Variants in SYT1 observed in about 807,000 individuals in gnomAD.
The protein encoded by SYT1 is synaptotagmin-1.
In SYT1, 8 loss-of-function variants were observed where a neutral mutation model predicts 44.8. The ratio of observed to expected loss-of-function variants is 0.18; its 90% CI spans 0.10 to 0.32. SYT1 has a LOEUF of 0.32. Ranked by LOEUF, SYT1 falls within the 10% of genes least tolerant of loss-of-function variation. The pLI is 1.00. For synonymous variants in SYT1, 154 were observed against 188.8 expected, an observed-to-expected ratio of 0.82 and a Z score of 1.51; for missense variants, 286 against 509.3, an observed-to-expected ratio of 0.56 and a Z score of 4.22.
chr12:78,995,213 C>T (rs563665226), intron 2 of SYT1, among the ~76,000 whole-genome samples: 126 of 152,308 alleles, frequency 8.3e-4, no homozygotes, highest in African/African-American at 3.0e-3. Context: ...CAAGAATCCC[C>T]AGGCATAGCC....
intron 8 of SYT1, among the ~76,000 whole-genome samples, chr12:79,341,859 G>A (rs1167357371): frequency 4.6e-5 from 7 of 151,558 alleles, no homozygotes; most frequent in Non-Finnish European, 7.4e-5. Flanking sequence ...TAGTAGAGAC[G>A]GAGTTTCACC....
At chr12:78,868,380 A>G (rs1175071945) in intron 1 of SYT1, among the ~76,000 whole-genome samples, 1 of 151,836 alleles carries the variant, frequency 6.6e-6, no homozygotes, top group African/African-American at 2.4e-5. Context: ...AAAAGTAAAT[A>G]TCTGATGTAG....
chr12:79,422,594 T>C (rs544670595), intron 9 of SYT1, among the ~76,000 whole-genome samples: 6 of 151,742 alleles, frequency 4.0e-5, no homozygotes, highest in African/African-American at 1.5e-4. Context: ...GTGCAGGGAG[T>C]AGAGAGGGAA....
chr12:79,151,255 C>T (rs1870255346), intron 3 of SYT1, among the ~76,000 whole-genome samples: 1 of 152,118 alleles, frequency 6.6e-6, no homozygotes, highest in Non-Finnish European at 1.5e-5. Context: ...TCAGTAAATT[C>T]CTGGGACTTC....
At chr12:79,309,656 T>G (rs1479616971) in intron 8 of SYT1, among the ~76,000 whole-genome samples, 8 of 152,226 alleles carry the variant, frequency 5.3e-5, no homozygotes, top group Non-Finnish European at 1.2e-4. Context: ...AATGTTGAAT[T>G]CTAGGCTCCG....
At chr12:79,217,806 G>C in intron 4 of SYT1, 121 bp downstream of exon 4, 4 of 692,240 alleles carry the variant, frequency 5.8e-6, no homozygotes, top group Non-Finnish European at 8.5e-6. Flanking sequence ...ATTACTATGG[G>C]AATGATAGTA....
At chr12:79,327,542 C>T (rs1247348798) in intron 8 of SYT1, among the ~76,000 whole-genome samples, 1 of 152,204 alleles carries the variant, frequency 6.6e-6, no homozygotes, top group African/African-American at 2.4e-5. Flanking sequence ...TCTGTAGCTT[C>T]TGCATTTAAC....
chr12:79,002,743 G>C (rs1048709233), intron 2 of SYT1, among the ~76,000 whole-genome samples: 3 of 151,988 alleles, frequency 2.0e-5, no homozygotes, highest in African/African-American at 4.8e-5. Flanking sequence ...ACTCCATTGG[G>C]ATCCTTCTAT....
chr12:79,018,290 A>G lies in SYT1; in HGVS notation c.-83-29007A>G, dbSNP rs1235788944. On this transcript the variant is annotated intron_variant, in intron 2 of 10. Coordinates refer to ENST00000261205, the MANE Select transcript of SYT1 (RefSeq NM_005639.3). ...GTTCTCACTCATAGGTGGGAATTGA[A>G]CAATGAGAACACATGGACACAGGAA... is the stretch of plus-strand genomic sequence containing the variant. Among the ~76,000 whole-genome samples the G allele has an allele frequency of 3.4e-5, 5 of 148,950 alleles. No homozygotes were observed. In the East Asian group the frequency reaches 8.3e-4, roughly 25 times the overall value.
intron 9 of SYT1, among the ~76,000 whole-genome samples, chr12:79,359,555 A>G (rs1883238845): frequency 6.6e-6 from 1 of 152,146 alleles, no homozygotes; most frequent in Non-Finnish European, 1.5e-5. Context: ...GGCAGCAATT[A>G]CTTGAGGGAA....
At chr12:79,123,090 T>C (rs908614223) in intron 3 of SYT1, among the ~76,000 whole-genome samples, 3 of 152,226 alleles carry the variant, frequency 2.0e-5, no homozygotes, top group Admixed American at 1.3e-4. Context: ...AAGAATAAAA[T>C]ATCTCTTAAA....
intron 8 of SYT1, among the ~76,000 whole-genome samples, chr12:79,324,201 C>T (rs923324758): frequency 3.3e-5 from 5 of 152,036 alleles, no homozygotes; most frequent in East Asian, 1.9e-4. Context: ...CTGCCTGCCT[C>T]GGCCTCCCAA....
intron 2 of SYT1, among the ~76,000 whole-genome samples, chr12:78,988,083 A>G (rs1028958824): frequency 6.6e-6 from 1 of 151,986 alleles, no homozygotes; most frequent in Non-Finnish European, 1.5e-5. Flanking sequence ...CAAACCTGTC[A>G]TCTCTCTCAT....
At chr12:79,140,744 T>C (rs570135091) in intron 3 of SYT1, among the ~76,000 whole-genome samples, 1 of 152,356 alleles carries the variant, frequency 6.6e-6, no homozygotes, top group South Asian at 2.1e-4. Flanking sequence ...ATTGCTTTAA[T>C]ATTATACTGC....
At chr12:79,257,462 TTTTTGTTTTG>T (rs895666083) in intron 4 of SYT1, among the ~76,000 whole-genome samples, 18 of 152,254 alleles carry the variant, frequency 1.2e-4, no homozygotes, top group East Asian at 7.7e-4. Context: ...ACATTGCTGT[TTTTTGTTTTG>T]TTTTGTTTTG....
At chr12:79,399,278 C>T (rs1593033934) in intron 9 of SYT1, among the ~76,000 whole-genome samples, 2 of 146,218 alleles carry the variant, frequency 1.4e-5, no homozygotes, top group East Asian at 4.2e-4. Flanking sequence ...AAGTCATCTG[C>T]AGTAATTTGA....
chr12:79,015,337 T>C (rs1164771753), intron 2 of SYT1, among the ~76,000 whole-genome samples: 2 of 152,194 alleles, frequency 1.3e-5, no homozygotes, highest in Admixed American at 1.3e-4. Context: ...TGGACTCCAA[T>C]TTAAATATGT....
intron 1 of SYT1, among the ~76,000 whole-genome samples, chr12:78,926,246 C>T (rs1040509994): frequency 2.0e-5 from 3 of 152,042 alleles, no homozygotes; most frequent in African/African-American, 7.2e-5. Context: ...AAAGCAAGCA[C>T]TACATCATTA....
intron 9 of SYT1, among the ~76,000 whole-genome samples, chr12:79,411,317 C>G (rs1459037043): frequency 3.9e-5 from 6 of 152,090 alleles, no homozygotes; most frequent in Admixed American, 3.9e-4. Context: ...ATAGTACTTC[C>G]ACTTACATCT....
Sources: gnomAD v4.1 joint callset for allele counts (sites outside exome capture counted in the v4.1 genomes callset) on GRCh38, gnomAD v4.1.1 for gene constraint, MANE v1.5 for transcripts, NCBI Gene and HGNC (gene_info 2026-07-23, HGNC 2026-07-21) for gene names.